Variants in ANKH observed in about 807,000 individuals in gnomAD.
ANKH encodes the protein ANKH inorganic pyrophosphate transport regulator, also known as mineralization regulator ANKH.
Under a neutral mutation model 49.0 loss-of-function variants are expected in ANKH, and 15 were observed. The ratio of observed to expected loss-of-function variants is 0.31; its 90% CI spans 0.20 to 0.47. ANKH has a LOEUF of 0.47. Among genes scored for constraint, ANKH ranks in the 20% least tolerant of loss-of-function variants. ANKH has a pLI of 1.00. For missense variants in ANKH, 429 were observed against 652.0 expected (o/e 0.66, Z 3.72); for synonymous variants, 273 against 260.0 (o/e 1.05, Z -0.48).
At chr5:14,815,398 G>A (rs560869477) in intron 1 of ANKH, among the ~76,000 whole-genome samples, 7 of 152,296 alleles carry the variant, frequency 4.6e-5, no homozygotes, top group African/African-American at 1.7e-4. Flanking sequence ...ATATATACTT[G>A]TGTTTGAATA....
chr5:14,740,002 A>T (rs1738304438), intron 8 of ANKH, among the ~76,000 whole-genome samples: 1 of 152,022 alleles, frequency 6.6e-6, no homozygotes, highest in African/African-American at 2.4e-5. Flanking sequence ...CTTGCAGAAT[A>T]TTTTTTTTAG....
At chr5:14,826,272 T>A (rs951702902) in intron 1 of ANKH, among the ~76,000 whole-genome samples, 2 of 152,164 alleles carry the variant, frequency 1.3e-5, no homozygotes, top group Non-Finnish European at 2.9e-5. Context: ...AATGAACACC[T>A]CATATGGGAT....
Position 14,716,785 on chromosome 5 carries a change from T to C in ANKH, c.1062A>G (p.Ile354Met). ...AGGCAAAGTCCACTCCGATGATGTC[T>C]ATCAAGATTTTCTCAGACACGTTGG... ...WTPNVSEKIL[I>M]DIIGVDFAFA... is the part of the protein sequence containing the mutation. The change falls in exon 9 of 12, where the codon ATA becomes ATG. Residue 354 changes from isoleucine (I) to methionine (M), a missense_variant. Physicochemically the swap from Ile to Met is conservative, Grantham distance 10. Around this residue, in one of 2 missense-constraint regions of ANKH, gnomAD observed 378 missense variants for 615.3 expected, o/e 0.61. Coordinates refer to ENST00000284268, the MANE Select transcript of ANKH (RefSeq NM_054027.6). The C allele has an allele frequency of 6.2e-7, 1 of 1,614,132 alleles. No homozygotes were observed. Among genetic ancestry groups the C allele is most frequent in the African/African-American group, 1.3e-5 (1 of 75,068 alleles).
chr5:14,750,090 C>T (rs1738663696), intron 5 of ANKH, among the ~76,000 whole-genome samples: 1 of 152,318 alleles, frequency 6.6e-6, no homozygotes, highest in South Asian at 2.1e-4. Context: ...TAGGATTTTA[C>T]TGACAGTCTG....
At chr5:14,783,289 TACACACACACAC>T (rs57904537) in intron 1 of ANKH, among the ~76,000 whole-genome samples, 44 of 144,526 alleles carry the variant, frequency 3.0e-4, no homozygotes, top group East Asian at 8.0e-4. Flanking sequence ...GCCACCATTC[TACACACACACAC>T]ACACACACAC....
At chr5:14,855,036 G>C (rs568214751) in intron 1 of ANKH, among the ~76,000 whole-genome samples, 1 of 152,120 alleles carries the variant, frequency 6.6e-6, no homozygotes, top group East Asian at 1.9e-4. Flanking sequence ...TCCCAGTCCG[G>C]GTTCACTTAC....
chr5:14,841,891 A>G (rs1002780277), intron 1 of ANKH, among the ~76,000 whole-genome samples: 2 of 152,156 alleles, frequency 1.3e-5, no homozygotes, highest in African/African-American at 4.8e-5. Context: ...GGTGGTCTAT[A>G]TTGTGGCATG....
Position 14,749,229 on chromosome 5 carries a change from C to A in ANKH, c.765G>T (p.Arg255=). The change falls in exon 6 of 12, where the codon CGG becomes CGT. Residue 255 remains arginine (R), a synonymous_variant. Transcript: ENST00000284268. ...GGGAAACAAAGAGGTTGACAATAGGCCGACTGATTCTCTGTGTGGCCAGAA... is the reference window on the plus strand; with the variant it reads ...GGGAAACAAAGAGGTTGACAATAGGACGACTGATTCTCTGTGTGGCCAGAA... The part of the protein sequence containing the change: ...ALILATQRIS[R]PIVNLFVSRD... The A allele has an allele frequency of 6.2e-7, 1 of 1,614,146 alleles. No individual in the cohort carries two copies. The highest frequency in any genetic ancestry group is 8.5e-7 in the Non-Finnish European group (1 of 1,180,002).
At chr5:14,851,362 AG>A in intron 1 of ANKH, among the ~76,000 whole-genome samples, 1 of 152,250 alleles carries the variant, frequency 6.6e-6, no homozygotes, top group Non-Finnish European at 1.5e-5. Flanking sequence ...CTCAGAAGGA[AG>A]ATGGGTTCAC....
chr5:14,867,286 A>G (rs1270131936), intron 1 of ANKH, among the ~76,000 whole-genome samples: 1 of 152,026 alleles, frequency 6.6e-6, no homozygotes, highest in Non-Finnish European at 1.5e-5. Context: ...CTTGAACCTT[A>G]GCTCTGCCAT....
intron 1 of ANKH, among the ~76,000 whole-genome samples, chr5:14,809,324 T>C: frequency 1.9e-5 from 1 of 53,896 alleles, no homozygotes; most frequent in Non-Finnish European, 3.3e-5. Context: ...ACCCTAAAAC[T>C]TAGAGTATAA....
At chr5:14,808,371 C>T (rs1740768989) in intron 1 of ANKH, among the ~76,000 whole-genome samples, 1 of 152,180 alleles carries the variant, frequency 6.6e-6, no homozygotes, top group Non-Finnish European at 1.5e-5. Context: ...AAAGAAAACA[C>T]CCAATGATTT....
At chr5:14,788,363 T>A (rs1314095776) in intron 1 of ANKH, 1 of 152,242 alleles carries the variant, frequency 6.6e-6, no homozygotes, top group East Asian at 1.9e-4. Context: ...AACTACTTCA[T>A]ATATGCAAAT....
chr5:14,833,834 C>T (rs1741577763), intron 1 of ANKH, among the ~76,000 whole-genome samples: 2 of 152,142 alleles, frequency 1.3e-5, no homozygotes, highest in Non-Finnish European at 2.9e-5. Context: ...TACCTACGTG[C>T]AAAGGAACTG....
At chr5:14,732,851 T>C (rs1394499632) in intron 8 of ANKH, among the ~76,000 whole-genome samples, 1 of 152,156 alleles carries the variant, frequency 6.6e-6, no homozygotes, top group African/African-American at 2.4e-5. Flanking sequence ...AGCACCAAGC[T>C]ATGTAGCCAA....
intron 9 of ANKH, among the ~76,000 whole-genome samples, chr5:14,714,990 A>G (rs950440215): frequency 3.9e-5 from 6 of 152,214 alleles, no homozygotes; most frequent in African/African-American, 1.4e-4. Flanking sequence ...GTGTCTACCC[A>G]ACAAGTACAG....
At chr5:14,834,806 T>G (rs1051411879) in intron 1 of ANKH, among the ~76,000 whole-genome samples, 1 of 152,124 alleles carries the variant, frequency 6.6e-6, no homozygotes, top group Non-Finnish European at 1.5e-5. Flanking sequence ...ATATCTATTG[T>G]GTCATCTTGG....
intron 8 of ANKH, among the ~76,000 whole-genome samples, chr5:14,721,726 C>G (rs536453743): frequency 3.4e-4 from 52 of 152,038 alleles, no homozygotes; most frequent in Non-Finnish European, 4.6e-4. Context: ...GTCAGGAGAT[C>G]GAGACCATCC....
intron 1 of ANKH, among the ~76,000 whole-genome samples, chr5:14,785,089 G>A (rs1273930452): frequency 2.6e-5 from 4 of 152,200 alleles, no homozygotes; most frequent in African/African-American, 9.7e-5. Flanking sequence ...AGCAGACAGT[G>A]AAGCTCTCCC....
Sources: allele counts gnomAD v4.1 joint callset (sites outside exome capture counted in the v4.1 genomes callset), GRCh38; gene constraint gnomAD v4.1.1; regional missense constraint gnomAD v4.1.1; transcripts MANE v1.5; gene names NCBI Gene and HGNC (gene_info 2026-07-23, HGNC 2026-07-21).